Variants in PLXNA4 observed in about 807,000 individuals in gnomAD.
PLXNA4 encodes the protein plexin A4, also known as plexin-A4.
PLXNA4 carries 44 observed loss-of-function variants against 191.8 expected under a neutral mutation model. The ratio of observed to expected loss-of-function variants is 0.23; its 90% confidence interval spans 0.18 to 0.29. PLXNA4 has a LOEUF of 0.29. PLXNA4 is among the 10% of genes least tolerant of loss of function. The pLI, the probability that PLXNA4 is intolerant of heterozygous loss-of-function variation, is 1.00. For synonymous variants in PLXNA4, 1,082 were observed against 1,009.5 expected, an observed-to-expected ratio of 1.07 and a Z score of -1.36; for missense variants, 1,800 against 2,488.8, an observed-to-expected ratio of 0.72 and a Z score of 5.89.
chr7:132,300,144 A>G (rs1178579523), intron 3 of PLXNA4, among the ~76,000 whole-genome samples: 1 of 152,258 alleles, frequency 6.6e-6, no homozygotes, highest in Admixed American at 6.5e-5. Flanking sequence ...GGATGCACTG[A>G]TAATAGACAA....
At chr7:132,507,414 G>A (rs1798509827) in intron 2 of PLXNA4, 92 bp downstream of exon 2, 1 of 1,365,456 alleles carries the variant, frequency 7.3e-7, no homozygotes, top group Admixed American at 2.5e-5. Flanking sequence ...CTGCAAAAGG[G>A]GAAGGATGAT....
chr7:132,376,185 C>T (rs2116920871), intron 3 of PLXNA4, among the ~76,000 whole-genome samples: 2 of 152,278 alleles, frequency 1.3e-5, no homozygotes, highest in East Asian at 3.9e-4. Flanking sequence ...GAAAAGGTCT[C>T]ATCAATCATC....
rs1028031293 is a variant in PLXNA4 at position 132,481,742 on chromosome 7, G to GTT, written c.1371+7548_1371+7549dup. Among the ~76,000 whole-genome samples the GTT allele has an allele frequency of 3.3e-5, 5 of 152,292 alleles. No homozygotes were observed. The South Asian group carries it at 6.2e-4, about 19-fold the overall frequency. ...TATGGATTCTCCATGGCCACACAGA[G>GTT]TTCTCGGCAGCTACTGATTCAAAAT... On this transcript the variant is annotated intron_variant, in intron 3 of 31. Transcript: ENST00000321063.
At chr7:132,314,270 C>T (rs1003372942) in intron 3 of PLXNA4, among the ~76,000 whole-genome samples, 1 of 152,168 alleles carries the variant, frequency 6.6e-6, no homozygotes, top group Non-Finnish European at 1.5e-5. Context: ...AACTTCTTTC[C>T]AAAGTCTATG....
At chr7:132,605,279 C>G (rs765426257) in intron 2 of PLXNA4, among the ~76,000 whole-genome samples, 1 of 152,160 alleles carries the variant, frequency 6.6e-6, no homozygotes, top group Non-Finnish European at 1.5e-5. Flanking sequence ...CTCGTAGCCC[C>G]GGTAGATGAG....
At chr7:132,430,415 G>A (rs944886482) in intron 3 of PLXNA4, among the ~76,000 whole-genome samples, 36 of 152,164 alleles carry the variant, frequency 2.4e-4, no homozygotes, top group African/African-American at 8.7e-4. Context: ...GTAGCACAAG[G>A]CAGATCAAAT....
chr7:132,495,087 G>A (rs1797956746), intron 2 of PLXNA4, among the ~76,000 whole-genome samples: 1 of 152,184 alleles, frequency 6.6e-6, no homozygotes, highest in Non-Finnish European at 1.5e-5. Context: ...CATCTTGAAG[G>A]CAGCAGGTGA....
intron 4 of PLXNA4, among the ~76,000 whole-genome samples, chr7:132,267,025 A>G (rs1271031819): frequency 6.6e-6 from 1 of 152,164 alleles, no homozygotes. Flanking sequence ...GTTCCAGTTG[A>G]GACCTTCAGC....
chr7:132,136,814 T>TGAAA (rs1392361997), intron 30 of PLXNA4, among the ~76,000 whole-genome samples: 1 of 151,898 alleles, frequency 6.6e-6, no homozygotes, highest in Non-Finnish European at 1.5e-5. Flanking sequence ...GATGCAGGAG[T>TGAAA]GAAAGATATT....
intron 28 of PLXNA4, among the ~76,000 whole-genome samples, chr7:132,146,227 C>CAGTT (rs1443533392): frequency 1.3e-5 from 2 of 151,664 alleles, no homozygotes; most frequent in African/African-American, 2.4e-5. Context: ...TGAAAAGAGG[C>CAGTT]AGTTAGAGTC....
chr7:132,508,795 A>T lies in PLXNA4; in HGVS notation c.-86-16T>A, dbSNP rs1429623223. 2.1e-6 allele frequency: 3 copies of T among 1,435,598 alleles called. No individual in the cohort carries two copies. Among genetic ancestry groups the T allele is most frequent in the African/African-American group, 1.4e-5 (1 of 69,624 alleles). 88.9% of individuals were successfully genotyped at this position (1,435,598 alleles called of 1,614,324 possible). A position where few individuals can be genotyped will look rare whatever the true frequency, so the allele number is the denominator to read the frequency against. On this transcript the variant is annotated splice_polypyrimidine_tract_variant and intron_variant, in intron 1 of 31. Coordinates refer to ENST00000321063, the MANE Select transcript of PLXNA4 (RefSeq NM_020911.2). This position sits in a 1 kb window ranked among gnomAD's most constrained non-coding sequence, Gnocchi z 4.4. Reference sequence around the variant, plus strand: ...GTCTCCCCTACTGGAGAAAGGGAAGACAATGAGCTGGATAACAATGCCAGT... The same window carrying T: ...GTCTCCCCTACTGGAGAAAGGGAAGTCAATGAGCTGGATAACAATGCCAGT...
intron 20 of PLXNA4, 33 bp downstream of exon 20, chr7:132,179,654 A>G (rs754899105): frequency 1.2e-6 from 2 of 1,601,476 alleles, no homozygotes; most frequent in Non-Finnish European, 1.7e-6. Flanking sequence ...ACACGCACAC[A>G]CACATGGCCT....
chr7:132,332,188 C>T (rs1050882318), intron 3 of PLXNA4, among the ~76,000 whole-genome samples: 3 of 152,142 alleles, frequency 2.0e-5, no homozygotes, highest in Non-Finnish European at 4.4e-5. Context: ...ATGGTGCCCA[C>T]GTCGAGTGTG....
At chr7:132,187,861 G>A (rs1046877011) in intron 14 of PLXNA4, among the ~76,000 whole-genome samples, 1 of 151,960 alleles carries the variant, frequency 6.6e-6, no homozygotes, top group African/African-American at 2.4e-5. Context: ...GTGTCAGATT[G>A]TACATCTTCA....
At position 132,202,740 on chromosome 7, in the gene PLXNA4, T is replaced by C; in HGVS notation, c.2492A>G (p.Gln831Arg). 1 of 1,611,082 alleles carries C rather than the reference T, an allele frequency of 6.2e-7. No individual in the cohort carries two copies. The highest frequency in any genetic ancestry group is 8.5e-7 in the Non-Finnish European group (1 of 1,178,652). Reference protein sequence around the residue: ...FACGWCQGPGQCTLRQHCPAQ... With the variant: ...FACGWCQGPGRCTLRQHCPAQ... ...AGGGCAGTGCTGGCGCAGGGTGCAC[T>C]GGCCTGGGCCCTGGCACCAGCCACA... Residue 831 changes from glutamine (Q) to arginine (R), a missense_variant, in exon 12 of 32, where the codon CAG (glutamine) becomes CGG (arginine). Gln to Arg is a conservative substitution (Grantham distance 43, BLOSUM62 1). Transcript: ENST00000321063.
chr7:132,243,732 T>A (rs1032838534), intron 4 of PLXNA4, among the ~76,000 whole-genome samples: 5 of 143,514 alleles, frequency 3.5e-5, no homozygotes, highest in Non-Finnish European at 7.4e-5. Context: ...TTGTAAATGG[T>A]CTGGCACTTT....
In PLXNA4 at chr7:132,165,487, C is replaced by T. The variant is rs1191865467; in HGVS notation, c.4287-287G>A. Among the ~76,000 whole-genome samples the T allele has an allele frequency of 2.0e-5, 3 of 152,166 alleles. No individual in the cohort carries two copies. The East Asian group carries it at 5.8e-4, about 29-fold the overall frequency. ...GCCTTAGAGCACCGCTGTCCAATTG[C>T]ACGTTCTGTGATGATGAAAATTTTC... On this transcript the variant is annotated intron_variant, in intron 22 of 31. Transcript: ENST00000321063.
intron 3 of PLXNA4, among the ~76,000 whole-genome samples, chr7:132,298,470 C>T (rs1801188823): frequency 6.6e-6 from 1 of 152,176 alleles, no homozygotes; most frequent in African/African-American, 2.4e-5. Flanking sequence ...TCCCTGGTTC[C>T]CTATGCCTCA....
At chr7:132,222,094 G>C (rs1170090191) in intron 9 of PLXNA4, among the ~76,000 whole-genome samples, 1 of 152,152 alleles carries the variant, frequency 6.6e-6, no homozygotes, top group Non-Finnish European at 1.5e-5. Context: ...TGCTCCCCTT[G>C]TCTGTTACTC....
Sources: allele counts gnomAD v4.1 joint callset (sites outside exome capture counted in the v4.1 genomes callset), GRCh38; gene constraint gnomAD v4.1.1; non-coding constraint Gnocchi (gnomAD v3.1); transcripts MANE v1.5; gene names NCBI Gene and HGNC (gene_info 2026-07-23, HGNC 2026-07-21).